Variants in PTPRB observed in about 807,000 individuals in gnomAD.
PTPRB encodes the protein receptor-type tyrosine-protein phosphatase beta.
PTPRB carries 97 observed loss-of-function variants against 238.1 expected under a neutral mutation model. That is an observed-to-expected ratio of 0.41 (90% confidence interval 0.35 to 0.48). The LOEUF (loss-of-function observed/expected upper bound fraction) is 0.48. PTPRB is among the 20% of genes least tolerant of loss of function. The pLI, the probability that PTPRB is intolerant of heterozygous loss-of-function variation, is 0.30. For synonymous variants in PTPRB, 970 were observed against 995.4 expected, an observed-to-expected ratio of 0.97 and a Z score of 0.48; for missense variants, 2,292 against 2,681.9, an observed-to-expected ratio of 0.85 and a Z score of 3.21.
intron 9 of PTPRB, chr12:70,585,262 A>G (rs1592536107): frequency 6.6e-6 from 1 of 152,162 alleles, no homozygotes; most frequent in East Asian, 1.9e-4. Flanking sequence ...TCCAACTAAA[A>G]AGGGAAATCT....
At chr12:70,582,883 T>C (rs781723088) in intron 9 of PTPRB, among the ~76,000 whole-genome samples, 1 of 152,084 alleles carries the variant, frequency 6.6e-6, no homozygotes, top group African/African-American at 2.4e-5. Context: ...AGCAAAATAT[T>C]TGAACAAAAA....
At position 70,517,416 on chromosome 12, in the gene PTPRB, C is replaced by T. The variant is rs561772276; in HGVS notation, c.*4073G>A. On this transcript the variant is annotated 3_prime_UTR_variant, in exon 34 of 34. Transcript: ENST00000334414. ...CATTTCACTTGCTTTTTGCAGTCAT[C>T]GTTTACAGATTTTCCTTTGATAGGG... 4 of 152,232 alleles carry T rather than the reference C, an allele frequency of 2.6e-5. No individual in the cohort carries two copies. In the East Asian group the frequency reaches 5.8e-4, roughly 22 times the overall value. The allele number at this position is 152,232 out of a possible 1,614,324, so 9.4% of individuals were successfully genotyped here.
In PTPRB at chr12:70,539,810, T is replaced by C; in HGVS notation, c.5696+17A>G. ...CAAAGGCAGATAATATAGTAATTAA[T>C]GTGTTCTCTCTCTTACCAAGAAGTT... On this transcript the variant is annotated intron_variant, in intron 25 of 33. Coordinates refer to ENST00000334414, the MANE Select transcript of PTPRB (RefSeq NM_001109754.4). The C allele has an allele frequency of 1.3e-6, 2 of 1,598,222 alleles. No individual in the cohort carries two copies. Among genetic ancestry groups the C allele is most frequent in the South Asian group, 2.2e-5 (2 of 90,746 alleles).
rs1297384829 is a variant in PTPRB, at chr12:70,560,220, A to G, written c.4432+451T>C. Among the ~76,000 whole-genome samples, 1 of 152,112 alleles carries G rather than the reference A, an allele frequency of 6.6e-6. No homozygotes were observed. The highest frequency in any genetic ancestry group is 1.5e-5 in the Non-Finnish European group (1 of 68,024). ...CATGAGTGTGCCCTGAATGGGTTAC[A>G]AGTGTGTGAAGATATTAATTCCATC... On this transcript the variant is annotated intron_variant, in intron 17 of 33. Transcript: ENST00000334414. This position sits in a 1 kb window ranked among gnomAD's most constrained non-coding sequence, Gnocchi z 4.2.
intron 9 of PTPRB, among the ~76,000 whole-genome samples, chr12:70,583,837 A>C (rs1881624992): frequency 6.6e-6 from 1 of 152,182 alleles, no homozygotes; most frequent in African/African-American, 2.4e-5. Context: ...CATGGCCTTA[A>C]ATAATTTCCA....
In PTPRB at chr12:70,555,948, A is replaced by G. The variant is rs1877606534; in HGVS notation, c.4915T>C (p.Tyr1639His). The change falls in exon 19 of 34, where the codon TAC becomes CAC. Residue 1639 changes from tyrosine to histidine, a missense_variant. Tyr to His is a moderately conservative substitution (Grantham distance 83, BLOSUM62 2). This residue lies in a region of PTPRB where 683 missense variants were observed against 862.0 expected (regional missense o/e 0.79). Transcript: ENST00000334414. ...GACTGCACTTTGATGGACACCAGGT[A>G]CCTCTTATGGGGCACTAGCATCATG... ...NIMMLVPHKR[Y>H]LVSIKVQSAG... 6.2e-7 allele frequency: 1 copy of G among 1,613,724 alleles called. No individual in the cohort carries two copies.
chr12:70,555,292 G>T lies in PTPRB; in HGVS notation c.5011C>A (p.Pro1671Thr). The T allele has an allele frequency of 6.2e-7, 1 of 1,612,684 alleles. No homozygotes were observed. The highest frequency in any genetic ancestry group is 8.5e-7 in the Non-Finnish European group (1 of 1,179,606). The change falls in exon 20 of 34, where the codon CCA becomes ACA. Residue 1671 changes from proline to threonine, a missense_variant. Physicochemically the swap from Pro to Thr is conservative, Grantham distance 38 (BLOSUM62 -1). Coordinates refer to ENST00000334414, the MANE Select transcript of PTPRB (RefSeq NM_001109754.4). The stretch of plus-strand genomic sequence containing the variant: ...TCCTTTTCATTCACACGAATGTGTG[G>T]GGGTGGAGGAGGGGGGCCTGGAAAA... ...TMIDRPPPPP[P>T]HIRVNEKDVL...
chr12:70,521,592 T>TGAAA (rs1367848598), intron 33 of PTPRB, 81 bp from the exon 34 acceptor site: 2 of 1,257,702 alleles, frequency 1.6e-6, no homozygotes, highest in African/African-American at 1.6e-5. Flanking sequence ...ATTACCAATG[T>TGAAA]GAAAGACCAG....
At position 70,559,595 on chromosome 12, in the gene PTPRB, C is replaced by T. The variant is rs1878193742; in HGVS notation, c.4462G>A (p.Ala1488Thr). Residue 1488 changes from alanine (A) to threonine (T), a missense_variant, in exon 18 of 34, where the codon GCT becomes ACT. Ala to Thr is a moderately conservative substitution (Grantham distance 58). Around this residue, in one of 4 missense-constraint regions of PTPRB, gnomAD observed 683 missense variants for 862.0 expected, o/e 0.79. Coordinates refer to ENST00000334414, the MANE Select transcript of PTPRB (RefSeq NM_001109754.4). ...GCCAAGGATGTGTTTGCAATGTCAG[C>T]AAATGACATAAGACTGGGAGGACTT... is the stretch of plus-strand genomic sequence containing the variant. ...APSPPSLMSF[A>T]DIANTSLAIT... The T allele has an allele frequency of 6.2e-7, 1 of 1,612,378 alleles. No individual in the cohort carries two copies. Among genetic ancestry groups the T allele is most frequent in the African/African-American group, 1.3e-5 (1 of 74,866 alleles).
intron 9 of PTPRB, among the ~76,000 whole-genome samples, chr12:70,586,056 A>T (rs1881877457): frequency 6.6e-6 from 1 of 152,208 alleles, no homozygotes; most frequent in South Asian, 2.1e-4. Context: ...ATTGATGGAC[A>T]TTCGGGTTGG....
intron 3 of PTPRB, among the ~76,000 whole-genome samples, chr12:70,615,055 T>C (rs959681970): frequency 6.6e-6 from 1 of 152,178 alleles, no homozygotes; most frequent in Non-Finnish European, 1.5e-5. Context: ...AGAAGTTGCA[T>C]GTCATATGTA....
At position 70,621,506 on chromosome 12, in the gene PTPRB, G is replaced by T. The variant is rs189060025; in HGVS notation, c.708+884C>A. ...CACAGGAAAGATTTATAGTAAAGGC[G>T]AAGTAGAGACAAAAATAAAGTCCCA... On this transcript the variant is annotated intron_variant, in intron 3 of 33. Transcript: ENST00000334414. 1.1e-4 allele frequency among the ~76,000 whole-genome samples: 17 copies of T among 152,286 alleles called. No homozygotes were observed. In the East Asian group the frequency reaches 3.3e-3, roughly 29 times the overall value.
intron 8 of PTPRB, among the ~76,000 whole-genome samples, chr12:70,587,474 C>T (rs1161202005): frequency 6.6e-6 from 1 of 152,172 alleles, no homozygotes; most frequent in East Asian, 1.9e-4. Context: ...TAGAAAACAT[C>T]TTGCCAGAAG....
At chr12:70,556,741 T>C (rs1206289090) in intron 18 of PTPRB, among the ~76,000 whole-genome samples, 1 of 151,936 alleles carries the variant, frequency 6.6e-6, no homozygotes. Context: ...AAATCAAAGA[T>C]AAAGAAAAAT....
intron 4 of PTPRB, among the ~76,000 whole-genome samples, chr12:70,600,797 G>A (rs1242747014): frequency 6.6e-6 from 1 of 152,134 alleles, no homozygotes; most frequent in Non-Finnish European, 1.5e-5. Context: ...CTGGGCTCAA[G>A]TGATTCTCCC....
intron 14 of PTPRB, among the ~76,000 whole-genome samples, chr12:70,567,436 A>G (rs1879448508): frequency 6.6e-6 from 1 of 152,024 alleles, no homozygotes; most frequent in Non-Finnish European, 1.5e-5. Context: ...CAATATTCTC[A>G]TTGTTTTTTT....
At chr12:70,617,193 C>A (rs1462460600) in intron 3 of PTPRB, among the ~76,000 whole-genome samples, 2 of 152,140 alleles carry the variant, frequency 1.3e-5, no homozygotes, top group Admixed American at 6.5e-5. Flanking sequence ...GAATAAAAAT[C>A]CTTGAGATTT....
At position 70,595,449 on chromosome 12, in the gene PTPRB, TA is replaced by T. The variant is rs1882927899; in HGVS notation, c.1258+599del. On this transcript the variant is annotated intron_variant, in intron 5 of 33. Coordinates refer to ENST00000334414, the MANE Select transcript of PTPRB (RefSeq NM_001109754.4). ...TGTATCCCAGAACTTAAAGTATAAA[TA>T]TCCCAGAACTTAAAGTATAATAAAA... Among the ~76,000 whole-genome samples, 2 of 151,916 alleles carry T rather than the reference TA, an allele frequency of 1.3e-5. 1 individual carries two copies. Among genetic ancestry groups the T allele is most frequent in the South Asian group, 4.1e-4 (2 of 4,820 alleles).
chr12:70,616,245 C>T (rs1380546388), intron 3 of PTPRB, among the ~76,000 whole-genome samples: 6 of 152,092 alleles, frequency 3.9e-5, no homozygotes, highest in Admixed American at 3.9e-4. Context: ...CACCCAGCCT[C>T]TTAATATTCT....
Sources: gnomAD v4.1 joint callset for allele counts (sites outside exome capture counted in the v4.1 genomes callset) on GRCh38, gnomAD v4.1.1 for gene constraint, gnomAD v4.1.1 regional missense constraint, Gnocchi (gnomAD v3.1) non-coding constraint, MANE v1.5 for transcripts, NCBI Gene and HGNC (gene_info 2026-07-23, HGNC 2026-07-21) for gene names.